The following EPB41L3 variants were observed in gnomAD, a reference collection of about 807,000 sequenced individuals.
EPB41L3 encodes the protein erythrocyte membrane protein band 4.1 like 3.
Under a neutral mutation model 127.1 loss-of-function variants are expected in EPB41L3, and 57 were observed. The ratio of observed to expected loss-of-function variants is 0.45; its 90% CI spans 0.36 to 0.56. EPB41L3 has a LOEUF of 0.56. EPB41L3 is among the 20% of genes least tolerant of loss of function. The pLI, the probability that EPB41L3 is intolerant of heterozygous loss-of-function variation, is 0.00. For synonymous variants in EPB41L3, 572 were observed against 549.5 expected, an observed-to-expected ratio of 1.04 and a Z score of -0.57; for missense variants, 1,273 against 1,372.2, an observed-to-expected ratio of 0.93 and a Z score of 1.14.
intron 3 of EPB41L3, chr18:5,567,068 A>T (rs1302527009): frequency 6.6e-6 from 1 of 152,218 alleles, no homozygotes; most frequent in Admixed American, 6.5e-5. Flanking sequence ...GGCCCCCAAA[A>T]GTGCTGGGAT....
intron 16 of EPB41L3, among the ~76,000 whole-genome samples, chr18:5,403,388 A>G (rs913739766): frequency 6.6e-6 from 1 of 152,184 alleles, no homozygotes. Context: ...TTCTCAGAAC[A>G]TAACATCATT....
At chr18:5,555,505 T>C (rs571746394) in intron 3 of EPB41L3, among the ~76,000 whole-genome samples, 4 of 152,202 alleles carry the variant, frequency 2.6e-5, no homozygotes, top group Admixed American at 2.0e-4. Context: ...TAGCACAAGG[T>C]AGTAGAGAGC....
At chr18:5,582,906 G>A (rs2094407281) in intron 3 of EPB41L3, among the ~76,000 whole-genome samples, 1 of 152,198 alleles carries the variant, frequency 6.6e-6, no homozygotes, top group Admixed American at 6.5e-5. Context: ...GGGAGTGGGG[G>A]CAGCCACTTT....
At chr18:5,488,702 A>G (rs2090195442) in intron 2 of EPB41L3, 1 of 323,696 alleles carries the variant, frequency 3.1e-6, no homozygotes, top group Non-Finnish European at 5.5e-6. Context: ...CCACAAGCAT[A>G]ATTAAAGCTC....
chr18:5,543,375 C>A lies in EPB41L3; in HGVS notation c.-12+538G>T, dbSNP rs907925893. ...CCGGGACGAGCCCGCTGCCGCCGCG[C>A]GCTGAGCGCAGGGCCCCTCCCGCGG... On this transcript the variant is annotated intron_variant, in intron 1 of 22. Transcript: ENST00000341928. This position sits in a 1 kb window ranked among gnomAD's most constrained non-coding sequence, Gnocchi z 5.2. The A allele has an allele frequency of 2.7e-5, 4 of 148,102 alleles. No homozygotes were observed. Among genetic ancestry groups the A allele is most frequent in the African/African-American group, 9.7e-5 (4 of 41,122 alleles). 9.2% of individuals were successfully genotyped at this position (148,102 alleles called of 1,614,324 possible).
In EPB41L3 at chr18:5,490,154, T is replaced by C. The variant is rs534214383; in HGVS notation, c.-11-960A>G. Among the ~76,000 whole-genome samples the C allele has an allele frequency of 2.6e-5, 4 of 152,356 alleles. No individual in the cohort carries two copies. The South Asian group carries it at 8.3e-4, about 32-fold the overall frequency. On this transcript the variant is annotated intron_variant, in intron 1 of 22. Transcript: ENST00000341928. ...ATGTTTTTAAAGCAGATTTTTGCTCTAAGCAGCAAGAGAGCTGCTATTACG... is the reference window on the plus strand; with the variant it reads ...ATGTTTTTAAAGCAGATTTTTGCTCCAAGCAGCAAGAGAGCTGCTATTACG...
chr18:5,538,502 T>C (rs1040288513), intron 1 of EPB41L3, among the ~76,000 whole-genome samples: 1 of 152,224 alleles, frequency 6.6e-6, no homozygotes, highest in African/African-American at 2.4e-5. Flanking sequence ...ATGATGAAAT[T>C]TGGGGCTTGA....
At chr18:5,492,136 A>T (rs2090667378) in intron 1 of EPB41L3, among the ~76,000 whole-genome samples, 1 of 152,186 alleles carries the variant, frequency 6.6e-6, no homozygotes, top group East Asian at 1.9e-4. Flanking sequence ...CCTGAACAAC[A>T]TGGTAAAACC....
At chr18:5,460,856 C>T (rs1223616570) in intron 3 of EPB41L3, among the ~76,000 whole-genome samples, 1 of 152,148 alleles carries the variant, frequency 6.6e-6, no homozygotes, top group Non-Finnish European at 1.5e-5. Context: ...CTCTCATTTT[C>T]TCTTGGTCCG....
intron 1 of EPB41L3, among the ~76,000 whole-genome samples, chr18:5,524,190 GT>G (rs569410705): frequency 6.6e-6 from 1 of 151,222 alleles, no homozygotes; most frequent in Non-Finnish European, 1.5e-5. Context: ...TGTTGTTGTT[GT>G]TTTTTGTTTT....
intron 16 of EPB41L3, among the ~76,000 whole-genome samples, chr18:5,402,029 G>C (rs865853605): frequency 1.3e-5 from 2 of 151,964 alleles, no homozygotes; most frequent in Non-Finnish European, 2.9e-5. Context: ...AAATCTACCA[G>C]TACTACATTT....
intron 3 of EPB41L3, among the ~76,000 whole-genome samples, chr18:5,594,500 CAT>C (rs1313376469): frequency 6.6e-5 from 10 of 152,128 alleles, no homozygotes; most frequent in African/African-American, 1.9e-4. Flanking sequence ...AAAAAAATAA[CAT>C]GTAGTTTTCA....
intron 3 of EPB41L3, among the ~76,000 whole-genome samples, chr18:5,575,769 G>A (rs566292614): frequency 6.6e-6 from 1 of 152,228 alleles, no homozygotes; most frequent in Admixed American, 6.5e-5. Context: ...CCCAGGAGAC[G>A]GAGGTTGCAG....
At chr18:5,452,944 C>G (rs772910703) in intron 3 of EPB41L3, among the ~76,000 whole-genome samples, 3 of 152,156 alleles carry the variant, frequency 2.0e-5, no homozygotes, top group Non-Finnish European at 4.4e-5. Context: ...CAGGAGCATT[C>G]ACATCTTCCC....
chr18:5,497,289 T>G (rs1189830252), intron 1 of EPB41L3, among the ~76,000 whole-genome samples: 1 of 152,200 alleles, frequency 6.6e-6, no homozygotes, highest in East Asian at 1.9e-4. Context: ...GTCTTATGGA[T>G]GCTTTTAAAA....
intron 1 of EPB41L3, among the ~76,000 whole-genome samples, chr18:5,618,694 GA>G (rs1197518312): frequency 1.3e-5 from 2 of 152,104 alleles, no homozygotes; most frequent in Admixed American, 6.6e-5. Flanking sequence ...GAAAGTCAAT[GA>G]AAAGTGGTAA....
At chr18:5,511,127 A>G (rs2092489209) in intron 1 of EPB41L3, among the ~76,000 whole-genome samples, 2 of 152,084 alleles carry the variant, frequency 1.3e-5, no homozygotes, top group African/African-American at 4.8e-5. Flanking sequence ...TAAGACCTTC[A>G]TTCTCAATTA....
chr18:5,483,105 A>G lies in EPB41L3; in HGVS notation c.184-4667T>C, dbSNP rs75686006. 9.2e-3 allele frequency among the ~76,000 whole-genome samples: 1,407 copies of G among 152,248 alleles called. 18 individuals are homozygous for G. Among genetic ancestry groups the G allele is most frequent in the African/African-American group, 0.031 (1,269 of 41,560 alleles). ...ACAGCAACCAGTGAAGGGATAGGTA[A>G]TATTAAAATATGCAAATTGAGACAA... On this transcript the variant is annotated intron_variant, in intron 2 of 22. Coordinates refer to ENST00000341928, the MANE Select transcript of EPB41L3 (RefSeq NM_012307.5).
intron 14 of EPB41L3, 54 bp downstream of exon 14, chr18:5,410,512 C>A (rs2076062103): frequency 7.3e-7 from 1 of 1,371,088 alleles, no homozygotes; most frequent in Non-Finnish European, 1.0e-6. Flanking sequence ...CAGAGCCACC[C>A]CACAAGGCAT....
Sources: gnomAD v4.1 joint callset for allele counts (sites outside exome capture counted in the v4.1 genomes callset) on GRCh38, gnomAD v4.1.1 for gene constraint, Gnocchi (gnomAD v3.1) non-coding constraint, MANE v1.5 for transcripts, NCBI Gene and HGNC (gene_info 2026-07-23, HGNC 2026-07-21) for gene names.